The following LPP variants were observed in gnomAD, a reference collection of about 807,000 sequenced individuals.
LPP encodes lipoma-preferred partner.
LPP carries 38 observed loss-of-function variants against 60.4 expected under a neutral mutation model. The ratio of observed to expected loss-of-function variants is 0.63; its 90% confidence interval spans 0.49 to 0.83. The LOEUF is 0.83. Ranked by LOEUF, LPP falls within the 40% of genes least tolerant of loss-of-function variation. The probability of loss-of-function intolerance (pLI) is 0.00; values close to 1 mark genes in which losing one functional copy is unlikely to be tolerated. For missense variants in LPP, 902 were observed against 783.6 expected, an observed-to-expected ratio of 1.15 and a Z score of -1.80; for synonymous variants, 328 against 290.8, an observed-to-expected ratio of 1.13 and a Z score of -1.30.
chr3:188,723,026 CATT>C lies in LPP; in HGVS notation c.1240+14634_1240+14636del, dbSNP rs542655608. On this transcript the variant is annotated intron_variant, in intron 8 of 11. Coordinates refer to ENST00000617246, the MANE Select transcript of LPP (RefSeq NM_001375462.1). ...GAGAATACAAAAAGTGTTTTTTAGTCATTGTGTGTGAGAAAGCAACACACCAAG... is the reference window on the plus strand; with the variant it reads ...GAGAATACAAAAAGTGTTTTTTAGTCGTGTGTGAGAAAGCAACACACCAAG... Among the ~76,000 whole-genome samples, 411 of 152,170 alleles carry C rather than the reference CATT, an allele frequency of 2.7e-3. 3 individuals carry two copies. The highest frequency in any genetic ancestry group is 9.4e-3 in the African/African-American group (391 of 41,550).
intron 5 of LPP, among the ~76,000 whole-genome samples, chr3:188,495,083 T>TATATATATATATATATTTATTTA (rs57578460): frequency 1.3e-5 from 1 of 77,812 alleles, no homozygotes; most frequent in East Asian, 5.4e-4. Context: ...TATATATATA[T>TATATATATATATATATTTATTTA]TTTATTTATA....
At chr3:188,384,475 A>G (rs969847880) in intron 3 of LPP, among the ~76,000 whole-genome samples, 1 of 152,076 alleles carries the variant, frequency 6.6e-6, no homozygotes. Context: ...AACCATCTTC[A>G]GTTGTCTAGG....
intron 6 of LPP, among the ~76,000 whole-genome samples, chr3:188,538,714 A>G (rs931529993): frequency 6.6e-6 from 1 of 152,222 alleles, no homozygotes; most frequent in Non-Finnish European, 1.5e-5. Context: ...ATGACCACAC[A>G]AAGACCTGTA....
chr3:188,205,293 T>G (rs1379577961), intron 1 of LPP, among the ~76,000 whole-genome samples: 1 of 145,600 alleles, frequency 6.9e-6, no homozygotes, highest in Non-Finnish European at 1.5e-5. Flanking sequence ...TTTTTTTTTT[T>G]TTTTTTTGGC....
intron 2 of LPP, among the ~76,000 whole-genome samples, chr3:188,242,204 A>G (rs1322377447): frequency 6.6e-6 from 1 of 152,148 alleles, no homozygotes. Context: ...AACATGGGTT[A>G]TTTTTTAGCA....
At chr3:188,354,725 A>G (rs9865818) in intron 3 of LPP, among the ~76,000 whole-genome samples, 52,117 of 152,174 alleles carry the variant, frequency 0.34, 10,297 homozygotes, top group Middle Eastern at 0.59. Flanking sequence ...TTCAGCCCTC[A>G]TTGATACCCA....
chr3:188,786,231 A>G (rs1161474700), intron 9 of LPP, among the ~76,000 whole-genome samples: 2 of 151,622 alleles, frequency 1.3e-5, no homozygotes, highest in Non-Finnish European at 2.9e-5. Flanking sequence ...AATACAAAAA[A>G]AATTACCCGG....
At chr3:188,179,094 C>CAGAG (rs151265768) in intron 1 of LPP, 12,512 of 264,666 alleles carry the variant, frequency 0.047, 599 homozygotes, top group South Asian at 0.061. Context: ...GGGAGAGAGA[C>CAGAG]AGAGAGAGAG....
At chr3:188,203,335 CAT>C (rs1731655208) in intron 1 of LPP, among the ~76,000 whole-genome samples, 2 of 103,080 alleles carry the variant, frequency 1.9e-5, no homozygotes, top group South Asian at 2.8e-4. Context: ...TTTATATTTA[CAT>C]ATATATTTAA....
intron 2 of LPP, among the ~76,000 whole-genome samples, chr3:188,240,584 A>C (rs192495818): frequency 1.3e-5 from 2 of 152,282 alleles, no homozygotes; most frequent in Admixed American, 6.5e-5. Context: ...TTCCACTGTT[A>C]TTGAGTAGTT....
At chr3:188,239,441 G>A (rs1723064538) in intron 2 of LPP, among the ~76,000 whole-genome samples, 1 of 152,190 alleles carries the variant, frequency 6.6e-6, no homozygotes, top group African/African-American at 2.4e-5. Context: ...ACGGCTGAAA[G>A]GAATCCCAGG....
intron 3 of LPP, among the ~76,000 whole-genome samples, chr3:188,400,850 C>T (rs1188933094): frequency 6.6e-6 from 1 of 152,096 alleles, no homozygotes; most frequent in Non-Finnish European, 1.5e-5. Flanking sequence ...AACACCAGTT[C>T]TCACCACTGC....
chr3:188,493,802 C>G (rs924255646), intron 5 of LPP, among the ~76,000 whole-genome samples: 15 of 152,072 alleles, frequency 9.9e-5, no homozygotes, highest in Non-Finnish European at 2.1e-4. Flanking sequence ...CCTTTTTCTT[C>G]TTTATGAACT....
intron 4 of LPP, among the ~76,000 whole-genome samples, chr3:188,421,915 C>T (rs982943890): frequency 3.3e-5 from 5 of 152,132 alleles, no homozygotes; most frequent in Non-Finnish European, 7.4e-5. Context: ...GGTTATGGCT[C>T]CTAAGTACCC....
At chr3:188,695,764 A>T (rs1863113076) in intron 7 of LPP, among the ~76,000 whole-genome samples, 1 of 152,246 alleles carries the variant, frequency 6.6e-6, no homozygotes, top group Non-Finnish European at 1.5e-5. Flanking sequence ...TCTGAAAGTA[A>T]AAAAGGCCAC....
At chr3:188,253,762 G>A (rs1730734154) in intron 2 of LPP, among the ~76,000 whole-genome samples, 1 of 152,150 alleles carries the variant, frequency 6.6e-6, no homozygotes, top group African/African-American at 2.4e-5. Context: ...AACAAAAGGA[G>A]GGTTTAGAGA....
intron 9 of LPP, among the ~76,000 whole-genome samples, chr3:188,847,331 AGAG>A (rs1315527775): frequency 1.3e-5 from 2 of 152,206 alleles, no homozygotes; most frequent in Admixed American, 1.3e-4. Context: ...TGAGGAATGA[AGAG>A]GAGGGCAAGG....
At chr3:188,687,859 C>G (rs1275440484) in intron 7 of LPP, among the ~76,000 whole-genome samples, 2 of 150,982 alleles carry the variant, frequency 1.3e-5, no homozygotes, top group African/African-American at 4.9e-5. Flanking sequence ...ACTGCAACCT[C>G]CACCTCCCGG....
intron 4 of LPP, among the ~76,000 whole-genome samples, chr3:188,465,019 C>G (rs1025140307): frequency 2.1e-5 from 3 of 144,936 alleles, no homozygotes; most frequent in Admixed American, 6.9e-5. Context: ...AAAACATACA[C>G]ACACAAAACA....
Sources: allele counts gnomAD v4.1 joint callset (sites outside exome capture counted in the v4.1 genomes callset), GRCh38; gene constraint gnomAD v4.1.1; transcripts MANE v1.5; gene names NCBI Gene and HGNC (gene_info 2026-07-23, HGNC 2026-07-21).